OPTN: variants seen among roughly 807,000 people sequenced by gnomAD.
OPTN encodes the protein E3-14.7K-interacting protein.
In OPTN, 54 loss-of-function variants were observed where a neutral mutation model predicts 70.4. The observed-to-expected ratio is 0.77, with a 90% CI of 0.62 to 0.96. The LOEUF is 0.96. Among genes scored for constraint, OPTN ranks in the 40% least tolerant of loss-of-function variants. The pLI is 0.00. For synonymous variants in OPTN, 256 were observed against 248.5 expected (o/e 1.03, Z -0.28); for missense variants, 624 against 673.2 (o/e 0.93, Z 0.81).
chr10:13,127,103 G>C (rs897623843), intron 11 of OPTN, among the ~76,000 whole-genome samples: 1 of 152,174 alleles, frequency 6.6e-6, no homozygotes, highest in African/African-American at 2.4e-5. Flanking sequence ...TTGTGAATTA[G>C]AAGGGATCTT....
At position 13,132,077 on chromosome 10, in the gene OPTN, A is replaced by C; in HGVS notation, c.1412A>C (p.Tyr471Ser). 1 of 1,612,760 alleles carries C rather than the reference A, an allele frequency of 6.2e-7. No individual in the cohort carries two copies. The highest frequency in any genetic ancestry group is 8.5e-7 in the Non-Finnish European group (1 of 1,179,034). Residue 471 changes from tyrosine (Y) to serine (S), a missense_variant, in exon 13 of 15, where the codon TAC becomes TCC. Transcript: ENST00000378747. ...MTILRAQMEV[Y>S]CSDFHAERAA... The stretch of plus-strand genomic sequence containing the variant: ...TTTTTCCTCTAACAGATGGAAGTTT[A>C]CTGTTCTGATTTTCATGCTGAAAGA...
intron 2 of OPTN, 58 bp from the exon 3 acceptor site, chr10:13,109,054 C>T (rs924599618): frequency 9.1e-6 from 14 of 1,540,698 alleles, no homozygotes; most frequent in Admixed American, 1.7e-5. Context: ...GTGGGACTCC[C>T]GGGGACCCCT....
At chr10:13,133,022 T>C (rs971614798) in intron 13 of OPTN, among the ~76,000 whole-genome samples, 1 of 152,204 alleles carries the variant, frequency 6.6e-6, no homozygotes, top group Non-Finnish European at 1.5e-5. Context: ...GTTAGGAATT[T>C]GGTGGGTAGC....
At chr10:13,127,632 C>G (rs1833495650) in intron 11 of OPTN, 113 bp from the exon 12 acceptor site, 1 of 1,178,166 alleles carries the variant, frequency 8.5e-7, no homozygotes, top group Admixed American at 2.0e-5. Flanking sequence ...TAGGCATGAG[C>G]CACCACACCC....
chr10:13,128,364 C>A (rs60474180), intron 12 of OPTN, among the ~76,000 whole-genome samples: 3 of 150,898 alleles, frequency 2.0e-5, no homozygotes, highest in Non-Finnish European at 4.4e-5. Flanking sequence ...CAGTCATTTT[C>A]CTTTAACCAC....
At chr10:13,103,742 G>GCACACACACACACACA (rs771828062) in intron 1 of OPTN, among the ~76,000 whole-genome samples, 172 of 64,896 alleles carry the variant, frequency 2.7e-3, no homozygotes, top group Admixed American at 6.1e-3. Flanking sequence ...ACACACACAT[G>GCACACACACACACACA]CACACACACA....
chr10:13,133,688 C>G, intron 14 of OPTN, 107 bp downstream of exon 14: 1 of 947,478 alleles, frequency 1.1e-6, no homozygotes. Context: ...AATCAAGGCA[C>G]CAAAAATATA....
intron 1 of OPTN, among the ~76,000 whole-genome samples, chr10:13,104,321 A>G (rs1194770379): frequency 3.0e-5 from 4 of 135,562 alleles, no homozygotes; most frequent in Non-Finnish European, 6.1e-5. Flanking sequence ...GTGCAGTAGC[A>G]TGATCTTAGC....
chr10:13,110,676 A>G (rs900333795), intron 4 of OPTN, among the ~76,000 whole-genome samples, 200 bp downstream of exon 4: 1 of 152,196 alleles, frequency 6.6e-6, no homozygotes, highest in African/African-American at 2.4e-5. Context: ...TTTTAGAAGA[A>G]AGAAATTTGT....
In OPTN at chr10:13,125,557, G is replaced by C. The variant is rs1462044557; in HGVS notation, c.1138G>C (p.Glu380Gln). 3 of 1,614,074 alleles carry C rather than the reference G, an allele frequency of 1.9e-6. No individual in the cohort carries two copies. Among genetic ancestry groups the C allele is most frequent in the Non-Finnish European group, 2.5e-6 (3 of 1,180,026 alleles). Residue 380 changes from glutamate to glutamine, a missense_variant, in exon 10 of 15, where the codon GAG becomes CAG. Glu to Gln is a conservative substitution (Grantham distance 29). Coordinates refer to ENST00000378747, the MANE Select transcript of OPTN (RefSeq NM_001008212.2). ...AATCAAAATGGAACAGGCTAAAACA[G>C]AGGATGAAAAGTGAGTATGTTGAGT... ...SEIKMEQAKT[E>Q]DEKSKLTVLQ...
intron 14 of OPTN, among the ~76,000 whole-genome samples, chr10:13,136,271 A>C (rs1272470417): frequency 1.3e-5 from 2 of 152,178 alleles, no homozygotes; most frequent in African/African-American, 4.8e-5. Context: ...GCACTTTGGG[A>C]GGCCAAGGTG....
In OPTN at chr10:13,124,089, T is replaced by C; in HGVS notation, c.977T>C (p.Met326Thr). Reference sequence around the variant, plus strand: ...ACAAAACTCAGCGAAGCTGAGCTAATGAAGAAGAGACTTCAAGAAAAGTAA... The same window carrying C: ...ACAAAACTCAGCGAAGCTGAGCTAACGAAGAAGAGACTTCAAGAAAAGTAA... Reference protein sequence around the residue: ...AHTKLSEAELMKKRLQEKCQA... With the variant: ...AHTKLSEAELTKKRLQEKCQA... Residue 326 changes from methionine to threonine, a missense_variant, in exon 9 of 15, where the codon ATG becomes ACG. Transcript: ENST00000378747. 1 of 1,608,966 alleles carries C rather than the reference T, an allele frequency of 6.2e-7. No individual in the cohort carries two copies. The highest frequency in any genetic ancestry group is 1.1e-5 in the South Asian group (1 of 90,770).
At chr10:13,111,446 C>T (rs572065763) in intron 4 of OPTN, among the ~76,000 whole-genome samples, 2 of 152,166 alleles carry the variant, frequency 1.3e-5, no homozygotes, top group African/African-American at 4.8e-5. Context: ...ACCTGTAATC[C>T]CAGCGCTTTG....
intron 14 of OPTN, among the ~76,000 whole-genome samples, chr10:13,134,536 G>A (rs1475309870): frequency 3.9e-5 from 6 of 152,172 alleles, no homozygotes; most frequent in Non-Finnish European, 7.4e-5. Flanking sequence ...GGGTTCAAGC[G>A]ATTCTCCTGG....
rs1373499644 is a variant in OPTN, at chr10:13,138,012, C to T, written c.*1146C>T. ...ATTGTTTATATATGATTAATATCAT[C>T]ATATATATTTTCTGTATTAAGCTCA... On this transcript the variant is annotated 3_prime_UTR_variant, in exon 15 of 15. Transcript: ENST00000378747. 1 of 203,504 alleles carries T rather than the reference C, an allele frequency of 4.9e-6. No individual in the cohort carries two copies. The highest frequency in any genetic ancestry group is 1.0e-5 in the Non-Finnish European group (1 of 99,332). The allele number at this position is 203,504 out of a possible 1,614,324, so 12.6% of individuals were successfully genotyped here.
intron 3 of OPTN, chr10:13,109,674 A>AC (rs1360660597): frequency 6.0e-6 from 1 of 166,746 alleles, no homozygotes; most frequent in Non-Finnish European, 1.3e-5. Context: ...AAAAAATTAA[A>AC]AAAAAAAAAA....
intron 4 of OPTN, among the ~76,000 whole-genome samples, chr10:13,111,844 G>GTTTTTT (rs34942122): frequency 2.1e-4 from 18 of 87,724 alleles, no homozygotes; most frequent in East Asian, 7.4e-4. Flanking sequence ...TTTTTTGACT[G>GTTTTTT]TTTTTTTTTT....
In OPTN at chr10:13,137,424, ATTT is replaced by A. The variant is rs1045221605; in HGVS notation, c.*562_*564del. 1.3e-5 allele frequency: 3 copies of A among 232,220 alleles called. No homozygotes were observed. Among genetic ancestry groups the A allele is most frequent in the Admixed American group, 5.2e-5 (1 of 19,226 alleles). 14.4% of individuals were successfully genotyped at this position (232,220 alleles called of 1,614,324 possible). On this transcript the variant is annotated 3_prime_UTR_variant, in exon 15 of 15. Transcript: ENST00000378747. ...CTACTCTTCTGATAATAATTTTAAT[ATTT>A]TTTATGTTTGGTTGATGCGAGCAGC...
In OPTN at chr10:13,126,027, A is replaced by G. The variant is rs186551156; in HGVS notation, c.1230A>G (p.Leu410=). The G allele has an allele frequency of 1.2e-6, 2 of 1,607,300 alleles. No individual in the cohort carries two copies. Among genetic ancestry groups the G allele is most frequent in the East Asian group, 2.2e-5 (1 of 44,806 alleles). Residue 410 remains leucine, a synonymous_variant, in exon 11 of 15, where the codon CTA becomes CTG. Transcript: ENST00000378747. ...HNNALKTIEE[L]TRKESEKVDR... is the part of the protein sequence containing the mutation. Reference sequence around the variant, plus strand: ...ATGCATTGAAAACAATTGAGGAACTAACAAGAAAAGAGGTATTCACTGAAA... The same window carrying G: ...ATGCATTGAAAACAATTGAGGAACTGACAAGAAAAGAGGTATTCACTGAAA...
Sources: allele counts gnomAD v4.1 joint callset (sites outside exome capture counted in the v4.1 genomes callset), GRCh38; gene constraint gnomAD v4.1.1; transcripts MANE v1.5; gene names NCBI Gene and HGNC (gene_info 2026-07-23, HGNC 2026-07-21).